SFMBT2: variants seen among roughly 807,000 people sequenced by gnomAD.
The protein encoded by SFMBT2 is Scm like with four mbt domains 2, also known as scm-like with four MBT domains protein 2.
A neutral mutation model predicts 110.1 loss-of-function variants in SFMBT2; 38 were observed. The ratio of observed to expected loss-of-function variants is 0.35; its 90% CI spans 0.27 to 0.45. The LOEUF (loss-of-function observed/expected upper bound fraction) is 0.45. SFMBT2 is among the 20% of genes least tolerant of loss of function. The pLI, the probability that SFMBT2 is intolerant of heterozygous loss-of-function variation, is 1.00. For missense variants in SFMBT2, 1,011 were observed against 1,094.9 expected (o/e 0.92, Z 1.08); for synonymous variants, 425 against 425.4 (o/e 1.00, Z 0.01).
intron 4 of SFMBT2, among the ~76,000 whole-genome samples, chr10:7,296,551 G>A (rs1019186290): frequency 4.6e-5 from 7 of 152,158 alleles, no homozygotes; most frequent in Non-Finnish European, 7.4e-5. Flanking sequence ...CAATATTCCC[G>A]TTAGGTCTAT....
At chr10:7,179,559 C>G (rs1178163449) in intron 16 of SFMBT2, among the ~76,000 whole-genome samples, 2 of 152,154 alleles carry the variant, frequency 1.3e-5, no homozygotes, top group Non-Finnish European at 2.9e-5. Flanking sequence ...GGTGGCCCCA[C>G]AACTTTGTTG....
chr10:7,297,903 C>T (rs1410265217), intron 4 of SFMBT2, among the ~76,000 whole-genome samples: 1 of 152,208 alleles, frequency 6.6e-6, no homozygotes, highest in South Asian at 2.1e-4. Flanking sequence ...GCCTCCCACG[C>T]CCTCCCTGTT....
At chr10:7,183,416 G>C (rs1417027714) in intron 16 of SFMBT2, among the ~76,000 whole-genome samples, 1 of 152,186 alleles carries the variant, frequency 6.6e-6, no homozygotes, top group Non-Finnish European at 1.5e-5. Flanking sequence ...ATCAACAGTG[G>C]AAAACACAGG....
At chr10:7,389,162 T>C (rs1163434526) in intron 1 of SFMBT2, among the ~76,000 whole-genome samples, 1 of 152,198 alleles carries the variant, frequency 6.6e-6, no homozygotes, top group African/African-American at 2.4e-5. Context: ...CAGATAATTC[T>C]TGGGGAAACC....
At chr10:7,292,148 G>A (rs559389487) in intron 4 of SFMBT2, 3 of 168,480 alleles carry the variant, frequency 1.8e-5, no homozygotes, top group Non-Finnish European at 2.4e-5. Context: ...GTAAATAAGA[G>A]TGCTTAATCC....
chr10:7,398,868 T>C (rs1307477302), intron 1 of SFMBT2, among the ~76,000 whole-genome samples: 2 of 152,234 alleles, frequency 1.3e-5, no homozygotes, highest in East Asian at 3.8e-4. Context: ...GTGTTGTCCA[T>C]ACCGCCATGA....
intron 4 of SFMBT2, among the ~76,000 whole-genome samples, chr10:7,364,779 T>C (rs1844838977): frequency 6.6e-6 from 1 of 152,234 alleles, no homozygotes; most frequent in African/African-American, 2.4e-5. Context: ...TGCCCCCAAG[T>C]GTGTACACGG....
chr10:7,279,728 C>CA (rs1212247791), intron 6 of SFMBT2, among the ~76,000 whole-genome samples: 1 of 152,158 alleles, frequency 6.6e-6, no homozygotes, highest in African/African-American at 2.4e-5. Flanking sequence ...AGGCAATCTC[C>CA]TTTTGTGCAA....
chr10:7,233,932 T>C (rs1342768653), intron 9 of SFMBT2, among the ~76,000 whole-genome samples: 2 of 152,240 alleles, frequency 1.3e-5, no homozygotes, highest in African/African-American at 2.4e-5. Flanking sequence ...AGAAAACAAC[T>C]TTCTCAACAT....
intron 4 of SFMBT2, among the ~76,000 whole-genome samples, chr10:7,357,467 G>A (rs920486692): frequency 3.9e-5 from 6 of 152,064 alleles, no homozygotes; most frequent in East Asian, 1.9e-4. Context: ...GGCAGCCTTC[G>A]GACTTCATCT....
intron 8 of SFMBT2, among the ~76,000 whole-genome samples, chr10:7,248,090 C>T (rs11255060): frequency 0.21 from 31,628 of 152,026 alleles, 3,907 homozygotes; most frequent in South Asian, 0.38. Flanking sequence ...TATTGTGAAT[C>T]TGTAGATCTT....
At chr10:7,206,337 C>T (rs1255449120) in intron 11 of SFMBT2, 1 of 985,414 alleles carries the variant, frequency 1.0e-6, no homozygotes, top group Non-Finnish European at 1.2e-6. Context: ...GGTGGGACCT[C>T]AGGGCCCACA....
intron 4 of SFMBT2, among the ~76,000 whole-genome samples, chr10:7,306,443 G>T (rs926616038): frequency 6.6e-6 from 1 of 152,116 alleles, no homozygotes; most frequent in African/African-American, 2.4e-5. Flanking sequence ...TATTGCTCAC[G>T]GCTGCTCTCG....
intron 4 of SFMBT2, among the ~76,000 whole-genome samples, chr10:7,327,440 G>A (rs964937431): frequency 6.6e-6 from 1 of 152,122 alleles, no homozygotes; most frequent in Non-Finnish European, 1.5e-5. Context: ...TAGCACTTTG[G>A]GAGGCCAAGG....
chr10:7,279,082 AAAAAAAAAAACCAAACAAACAAG>A (rs1841867466), intron 6 of SFMBT2, among the ~76,000 whole-genome samples: 1 of 42,822 alleles, frequency 2.3e-5, no homozygotes, highest in Non-Finnish European at 6.4e-5. Flanking sequence ...CTTCATCTCC[AAAAAAAAAAACCAAACAAACAAG>A]AAAAAAAAAA....
intron 16 of SFMBT2, among the ~76,000 whole-genome samples, chr10:7,182,728 AG>A (rs1038833549): frequency 3.5e-4 from 16 of 45,568 alleles, no homozygotes; most frequent in Non-Finnish European, 6.1e-4. Context: ...GGGGTGGGGG[AG>A]GGGGGAGGGA....
Position 7,172,543 on chromosome 10 carries a change from C to A in SFMBT2, c.2103G>T (p.Gln701His), listed in dbSNP as rs117946311. The change falls in exon 18 of 21, where the codon CAG becomes CAT. Residue 701 changes from glutamine (Q) to histidine (H), a missense_variant. Transcript: ENST00000397167. This position sits in a 1 kb window ranked among gnomAD's most constrained non-coding sequence, Gnocchi z 4.6. Reference sequence around the variant, plus strand: ...CCACGGCAGAAGACCTCCGTTTCTTCTGCACGAAAATGGATTTCCGTCGCT... The same window carrying A: ...CCACGGCAGAAGACCTCCGTTTCTTATGCACGAAAATGGATTTCCGTCGCT... ...RRKRRKSIFV[Q>H]KKRRSSAVDF... 7.0e-3 allele frequency: 11,256 copies of A among 1,614,254 alleles called. 58 individuals carry two copies. Among genetic ancestry groups the A allele is most frequent in the Non-Finnish European group, 8.7e-3 (10,247 of 1,180,044 alleles).
intron 1 of SFMBT2, among the ~76,000 whole-genome samples, chr10:7,383,156 A>T (rs1012372979): frequency 1.3e-5 from 2 of 152,222 alleles, no homozygotes; most frequent in Admixed American, 6.5e-5. Flanking sequence ...TGTGACTCAC[A>T]TAGTGGTAAA....
At chr10:7,218,944 G>A (rs1357319210) in intron 11 of SFMBT2, among the ~76,000 whole-genome samples, 12 of 152,164 alleles carry the variant, frequency 7.9e-5, no homozygotes, top group African/African-American at 2.9e-4. Flanking sequence ...CATAAAGCAT[G>A]CTGAAAGTAG....
Sources: gnomAD v4.1 joint callset for allele counts (sites outside exome capture counted in the v4.1 genomes callset) on GRCh38, gnomAD v4.1.1 for gene constraint, Gnocchi (gnomAD v3.1) non-coding constraint, MANE v1.5 for transcripts, NCBI Gene and HGNC (gene_info 2026-07-23, HGNC 2026-07-21) for gene names.